Variants in ARRDC5 observed in about 807,000 individuals in gnomAD.
ARRDC5 encodes the protein arrestin domain containing 5.
ARRDC5 carries 12 observed loss-of-function variants against 13.3 expected under a neutral mutation model. The ratio of observed to expected loss-of-function variants is 0.90; its 90% confidence interval spans 0.58 to 1.46. The LOEUF (loss-of-function observed/expected upper bound fraction) is 1.46, where lower values mean the gene tolerates loss of function less well. Ranked by LOEUF, ARRDC5 falls within the 40% of genes most tolerant of loss-of-function variation. The pLI is 0.00. For synonymous variants in ARRDC5, 181 were observed against 173.4 expected (o/e 1.04, Z -0.34); for missense variants, 406 against 418.7 (o/e 0.97, Z 0.26).
chr19:4,906,448 C>T (rs751306580), upstream of ARRDC5, among the ~76,000 whole-genome samples: 1 of 152,142 alleles, frequency 6.6e-6, no homozygotes, highest in African/African-American at 2.4e-5. Context: ...CCCCTCACCA[C>T]GTGTACATGA....
rs776847250 is a variant in ARRDC5, at chr19:4,891,003, G to C, written c.*43C>G. 1 of 1,535,232 alleles carries C rather than the reference G, an allele frequency of 6.5e-7. No individual in the cohort carries two copies. The highest frequency in any genetic ancestry group is 1.9e-5 in the Admixed American group (1 of 51,948). ...TGTGCAAGAGAGAGGGCTTCCTCCT[G>C]GTAGAGACTAATAAAGCTTTTAATA... On this transcript the variant is annotated 3_prime_UTR_variant, in exon 3 of 3. Transcript: ENST00000650722.
At chr19:4,901,882 AC>A (rs1375575939) in intron 1 of ARRDC5, among the ~76,000 whole-genome samples, 1 of 151,520 alleles carries the variant, frequency 6.6e-6, no homozygotes, top group Non-Finnish European at 1.5e-5. Flanking sequence ...TTGCTCTTCT[AC>A]CTCCACTATC....
chr19:4,910,802 C>T, the ARRDC5 span: 1 of 1,475,644 alleles, frequency 6.8e-7, no homozygotes, highest in Non-Finnish European at 9.1e-7. Context: ...AAAGCAACCC[C>T]GACTCCTTAG....
chr19:4,899,817 T>C lies in ARRDC5; in HGVS notation c.253+2756A>G, dbSNP rs1350554937. 7.6e-5 allele frequency among the ~76,000 whole-genome samples: 11 copies of C among 144,638 alleles called. No homozygotes were observed. The South Asian group carries it at 2.2e-3, about 29-fold the overall frequency. 94.9% of individuals were successfully genotyped at this position (144,638 alleles called of 152,430 possible). A position where few individuals can be genotyped will look rare whatever the true frequency, so the allele number is the denominator to read the frequency against. On this transcript the variant is annotated intron_variant, in intron 1 of 2. Coordinates refer to ENST00000650722, the MANE Select transcript of ARRDC5 (RefSeq NM_001080523.3). ...AGCCAGGCGTGGTGGCGGGCACCTG[T>C]AGTCCCAGCTACTCAGGAGGCTGAG...
the ARRDC5 span, among the ~76,000 whole-genome samples, chr19:4,914,251 C>CG: frequency 6.6e-6 from 1 of 151,966 alleles, no homozygotes. Flanking sequence ...TGGACAGTGG[C>CG]GGGAAGGCGG....
the ARRDC5 span, among the ~76,000 whole-genome samples, chr19:4,916,269 G>T: frequency 6.6e-6 from 1 of 151,368 alleles, no homozygotes; most frequent in African/African-American, 2.4e-5. Context: ...TTGTACCACT[G>T]CATTCCAGCC....
upstream of ARRDC5, among the ~76,000 whole-genome samples, chr19:4,904,404 C>T (rs904959862): frequency 3.9e-5 from 6 of 152,138 alleles, no homozygotes; most frequent in Non-Finnish European, 8.8e-5. Context: ...TGGTCTCAAT[C>T]TCCTGACCTC....
chr19:4,896,580 G>A, intron 2 of ARRDC5, 91 bp downstream of exon 2: 1 of 950,254 alleles, frequency 1.1e-6, no homozygotes. Flanking sequence ...TTCTCCCCAT[G>A]GGACCTTCTC....
rs535159474 is a variant in ARRDC5 at position 4,902,501 on chromosome 19, C to G, written c.253+72G>C. 47 of 1,449,414 alleles carry G rather than the reference C, an allele frequency of 3.2e-5. No homozygotes were observed. The African/African-American group carries it at 6.3e-4, about 19-fold the overall frequency. The allele number at this position is 1,449,414 out of a possible 1,614,324, so 89.8% of individuals were successfully genotyped here. ...ATAGCCCTAGAGTTTTGTTGATTGA[C>G]TCTCGGATGTGTTTATTTTCCAGAC... On this transcript the variant is annotated intron_variant, in intron 1 of 2. Coordinates refer to ENST00000650722, the MANE Select transcript of ARRDC5 (RefSeq NM_001080523.3).
chr19:4,894,435 C>T (rs545115922), intron 2 of ARRDC5, among the ~76,000 whole-genome samples: 1 of 132,316 alleles, frequency 7.6e-6, no homozygotes, highest in Non-Finnish European at 1.6e-5. Context: ...GGCGTGAACC[C>T]GGGAGGTGGA....
chr19:4,904,430 T>C (rs993413312), upstream of ARRDC5, among the ~76,000 whole-genome samples: 13 of 152,072 alleles, frequency 8.5e-5, no homozygotes, highest in Non-Finnish European at 1.6e-4. Context: ...CCGCCCACCT[T>C]GGCCTCCCAA....
chr19:4,895,422 C>CAAAAAAA (rs1039157516), intron 2 of ARRDC5, among the ~76,000 whole-genome samples: 31 of 70,690 alleles, frequency 4.4e-4, no homozygotes, highest in Non-Finnish European at 7.1e-4. Flanking sequence ...GACTCCGTCT[C>CAAAAAAA]AAAAAAAAAA....
chr19:4,906,898 C>T (rs2032075182), upstream of ARRDC5, among the ~76,000 whole-genome samples: 1 of 152,210 alleles, frequency 6.6e-6, no homozygotes, highest in African/African-American at 2.4e-5. Context: ...TGGAAGAGCT[C>T]AAGCCGTCTC....
rs370329197 is a variant in ARRDC5 at position 4,891,322 on chromosome 19, C to G, written c.711G>C (p.Leu237=). 48 of 1,613,812 alleles carry G rather than the reference C, an allele frequency of 3.0e-5. 1 individual carries two copies. The South Asian group carries it at 5.3e-4, about 18-fold the overall frequency. Residue 237 remains leucine, a synonymous_variant, in exon 3 of 3, where the codon CTG becomes CTC. Coordinates refer to ENST00000650722, the MANE Select transcript of ARRDC5 (RefSeq NM_001080523.3). The stretch of plus-strand genomic sequence containing the variant: ...TCACGGGGGTGTTGGCCTCCTGCCT[C>G]AGAAGCTCGCTGCTGTCCAGCCGAG... ...RRSRLDSSEL[L]RQEANTPVTR... is the part of the protein sequence containing the mutation.
the ARRDC5 span, among the ~76,000 whole-genome samples, chr19:4,916,031 C>G: frequency 6.6e-6 from 1 of 152,086 alleles, no homozygotes; most frequent in Non-Finnish European, 1.5e-5. Flanking sequence ...AAGTTGAGGC[C>G]AGGCATGGTA....
chr19:4,911,172 G>C, the ARRDC5 span: 1 of 856,784 alleles, frequency 1.2e-6, no homozygotes, highest in Non-Finnish European at 1.7e-6. Context: ...TCTCCCGGAA[G>C]GAGAAGTCCA....
rs1206106321 is a variant in ARRDC5, at chr19:4,891,028, A to G, written c.*18T>C. 6.3e-7 allele frequency: 1 copy of G among 1,590,462 alleles called. No individual in the cohort carries two copies. Among genetic ancestry groups the G allele is most frequent in the Non-Finnish European group, 8.6e-7 (1 of 1,168,510 alleles). On this transcript the variant is annotated 3_prime_UTR_variant, in exon 3 of 3. Coordinates refer to ENST00000650722, the MANE Select transcript of ARRDC5 (RefSeq NM_001080523.3). Reference sequence around the variant, plus strand: ...GGTAGAGACTAATAAAGCTTTTAATATTTAAAAGTTCGGGCACTTAATTCT... The same window carrying G: ...GGTAGAGACTAATAAAGCTTTTAATGTTTAAAAGTTCGGGCACTTAATTCT...
the ARRDC5 span, among the ~76,000 whole-genome samples, chr19:4,915,388 G>T: frequency 1.3e-5 from 2 of 152,120 alleles, no homozygotes. Flanking sequence ...AAACCGGTGG[G>T]CGTGGCTTTG....
the ARRDC5 span, among the ~76,000 whole-genome samples, chr19:4,912,763 T>G: frequency 6.6e-6 from 1 of 152,126 alleles, no homozygotes; most frequent in South Asian, 2.1e-4. Context: ...TTGATTTTTT[T>G]TGTTGTTGTT....
Sources: allele counts gnomAD v4.1 joint callset (sites outside exome capture counted in the v4.1 genomes callset), GRCh38; gene constraint gnomAD v4.1.1; transcripts MANE v1.5; gene names NCBI Gene and HGNC (gene_info 2026-07-23, HGNC 2026-07-21).